NCOA2: variants seen among roughly 807,000 people sequenced by gnomAD.
The protein encoded by NCOA2 is nuclear receptor coactivator 2.
In NCOA2, 21 loss-of-function variants were observed where a neutral mutation model predicts 145.1. The ratio of observed to expected loss-of-function variants is 0.14; its 90% CI spans 0.10 to 0.21. The LOEUF is 0.21. NCOA2 is among the 10% of genes least tolerant of loss of function. The pLI is 1.00. For missense variants in NCOA2, 1,472 were observed against 1,837.6 expected (o/e 0.80, Z 3.64); for synonymous variants, 619 against 637.5 (o/e 0.97, Z 0.44).
intron 11 of NCOA2, among the ~76,000 whole-genome samples, chr8:70,151,595 ATTT>A (rs1457718999): frequency 6.6e-6 from 1 of 152,048 alleles, no homozygotes; most frequent in Non-Finnish European, 1.5e-5. Context: ...GCCTAAATAC[ATTT>A]TTCTTAAGAA....
chr8:70,450,179 C>T, the NCOA2 span, among the ~76,000 whole-genome samples: 1 of 152,206 alleles, frequency 6.6e-6, no homozygotes, highest in African/African-American at 2.4e-5. Context: ...GCACATGTCA[C>T]ACACATGAGC....
chr8:70,362,731 A>G (rs994275852), intron 1 of NCOA2, among the ~76,000 whole-genome samples: 2 of 152,172 alleles, frequency 1.3e-5, no homozygotes, highest in African/African-American at 4.8e-5. Flanking sequence ...AGCTACTTTG[A>G]AAACTATTTG....
intron 1 of NCOA2, among the ~76,000 whole-genome samples, chr8:70,330,298 G>C (rs547515163): frequency 1.3e-5 from 2 of 151,934 alleles, no homozygotes; most frequent in East Asian, 3.9e-4. Flanking sequence ...AGCTCGGTAC[G>C]GTGGCTCATG....
intron 1 of NCOA2, among the ~76,000 whole-genome samples, chr8:70,347,416 C>T (rs536791399): frequency 1.3e-5 from 2 of 151,106 alleles, no homozygotes; most frequent in Non-Finnish European, 2.9e-5. Flanking sequence ...ACCCAGGGGG[C>T]GGAGGTTGCA....
chr8:70,225,470 A>AC (rs1425430240), intron 2 of NCOA2, among the ~76,000 whole-genome samples: 2 of 144,296 alleles, frequency 1.4e-5, no homozygotes, highest in African/African-American at 2.6e-5. Flanking sequence ...AATCGCTTGA[A>AC]CCCCCCAGGC....
intron 15 of NCOA2, among the ~76,000 whole-genome samples, chr8:70,134,761 A>G (rs1316078554): frequency 6.6e-6 from 1 of 152,182 alleles, no homozygotes; most frequent in Non-Finnish European, 1.5e-5. Flanking sequence ...TTTTTGTTAC[A>G]TGCTTTTCTT....
intron 4 of NCOA2, among the ~76,000 whole-genome samples, chr8:70,183,588 C>A (rs945169750): frequency 2.0e-5 from 3 of 152,180 alleles, no homozygotes; most frequent in Non-Finnish European, 4.4e-5. Context: ...CTGTCTCCCC[C>A]CAAATGCATC....
chr8:70,163,503 G>A lies in NCOA2; in HGVS notation c.794C>T (p.Pro265Leu), dbSNP rs1218464538. 6.2e-7 allele frequency: 1 copy of A among 1,613,890 alleles called. No homozygotes were observed. The highest frequency in any genetic ancestry group is 8.5e-7 in the Non-Finnish European group (1 of 1,179,836). Reference sequence around the variant, plus strand: ...GCGAGTAGTAAAACTTTCTGATGAGGGAAGAACTGGTCTTTCCTTCATGGG... The same window carrying A: ...GCGAGTAGTAAAACTTTCTGATGAGAGAAGAACTGGTCTTTCCTTCATGGG... ...RVPMKERPVLPSSESFTTRQD... is the reference protein window; with the variant it reads ...RVPMKERPVLLSSESFTTRQD... Residue 265 changes from proline (P) to leucine (L), a missense_variant, in exon 8 of 23, where the codon CCC becomes CTC. Pro to Leu is a moderately conservative substitution (Grantham distance 98). Transcript: ENST00000452400.
At chr8:70,248,990 C>G (rs73292813) in intron 2 of NCOA2, among the ~76,000 whole-genome samples, 1 of 151,874 alleles carries the variant, frequency 6.6e-6, no homozygotes, top group African/African-American at 2.4e-5. Flanking sequence ...AGAATTCTGA[C>G]GTGGTTCTGC....
intron 2 of NCOA2, among the ~76,000 whole-genome samples, chr8:70,258,945 T>C (rs989106693): frequency 5.9e-5 from 9 of 152,250 alleles, no homozygotes; most frequent in Non-Finnish European, 2.9e-5. Flanking sequence ...CTCTGCAATC[T>C]ACCCAGTTCC....
intron 1 of NCOA2, among the ~76,000 whole-genome samples, chr8:70,324,652 T>C (rs368465965): frequency 5.3e-5 from 8 of 152,162 alleles, no homozygotes; most frequent in African/African-American, 1.7e-4. Context: ...GGTACTCATA[T>C]AGGATAAACT....
chr8:70,140,593 GTTTTTT>G (rs71558582), intron 14 of NCOA2, among the ~76,000 whole-genome samples: 3 of 79,784 alleles, frequency 3.8e-5, no homozygotes, highest in Non-Finnish European at 6.8e-5. Context: ...TACCACCTAA[GTTTTTT>G]TTTTTTTTTT....
chr8:70,131,709 T>C, intron 16 of NCOA2, 128 bp downstream of exon 16: 1 of 1,022,266 alleles, frequency 9.8e-7, no homozygotes, highest in Non-Finnish European at 1.4e-6. Flanking sequence ...GGCCAGCCTG[T>C]TTTGAGGTAA....
intron 15 of NCOA2, among the ~76,000 whole-genome samples, chr8:70,132,357 T>C (rs1001098865): frequency 6.6e-6 from 1 of 152,166 alleles, no homozygotes; most frequent in East Asian, 1.9e-4. Context: ...TTACTTGGCA[T>C]TGAAGGAACC....
chr8:70,117,049 C>T (rs1226054690), intron 22 of NCOA2, among the ~76,000 whole-genome samples: 1 of 152,228 alleles, frequency 6.6e-6, no homozygotes, highest in Non-Finnish European at 1.5e-5. Context: ...AGAGAACATC[C>T]TATATTTACT....
At chr8:70,212,065 G>A (rs1034512675) in intron 4 of NCOA2, among the ~76,000 whole-genome samples, 2 of 60,916 alleles carry the variant, frequency 3.3e-5, no homozygotes, top group East Asian at 4.2e-4. Flanking sequence ...TCTTTGTGGC[G>A]CATATATATA....
At chr8:70,406,684 A>G (rs181516589), upstream of NCOA2, among the ~76,000 whole-genome samples, 1 of 152,374 alleles carries the variant, frequency 6.6e-6, no homozygotes, top group East Asian at 1.9e-4. Context: ...ATATTTAACA[A>G]TATAACCTAG....
chr8:70,300,528 G>A (rs1035964803), intron 1 of NCOA2, among the ~76,000 whole-genome samples: 2 of 151,652 alleles, frequency 1.3e-5, no homozygotes, highest in Admixed American at 1.3e-4. Flanking sequence ...ACGAGTCTGA[G>A]GCAAAAAGCA....
At chr8:70,318,591 C>T (rs1433377161) in intron 1 of NCOA2, among the ~76,000 whole-genome samples, 1 of 152,072 alleles carries the variant, frequency 6.6e-6, no homozygotes, top group Non-Finnish European at 1.5e-5. Flanking sequence ...TAGGCAAAAT[C>T]CCATCTCTAC....
Sources: allele counts gnomAD v4.1 joint callset (sites outside exome capture counted in the v4.1 genomes callset), GRCh38; gene constraint gnomAD v4.1.1; transcripts MANE v1.5; gene names NCBI Gene and HGNC (gene_info 2026-07-23, HGNC 2026-07-21).